Variants in NFIC observed in about 807,000 individuals in gnomAD.
NFIC encodes nuclear factor I C.
Under a neutral mutation model 54.4 loss-of-function variants are expected in NFIC, and 12 were observed. The ratio of observed to expected loss-of-function variants is 0.22; its 90% CI spans 0.14 to 0.36. The LOEUF (loss-of-function observed/expected upper bound fraction) is 0.36. Among genes scored for constraint, NFIC ranks in the 10% least tolerant of loss-of-function variants. NFIC has a pLI of 1.00. For synonymous variants in NFIC, 322 were observed against 319.2 expected (o/e 1.01, Z -0.09); for missense variants, 575 against 718.2 (o/e 0.80, Z 2.28).
chr19:3,435,261 G>T lies in NFIC; in HGVS notation c.958+54G>T, dbSNP rs1271977179. The T allele has an allele frequency of 2.0e-6, 3 of 1,480,642 alleles. No homozygotes were observed. The African/African-American group carries it at 4.2e-5, about 21-fold the overall frequency. The allele number at this position is 1,480,642 out of a possible 1,614,324, so 91.7% of individuals were successfully genotyped here. A position where few individuals can be genotyped will look rare whatever the true frequency, so the allele number is the denominator to read the frequency against. On this transcript the variant is annotated intron_variant, in intron 6 of 10. Transcript: ENST00000443272. ...CCTTCCGGTCTGAGTCACCGTGGCG[G>T]GAACTACGTCTTCCGGCAGCCACTG... is the stretch of plus-strand genomic sequence containing the variant.
At chr19:3,407,579 C>T (rs903265079) in intron 2 of NFIC, among the ~76,000 whole-genome samples, 4 of 152,088 alleles carry the variant, frequency 2.6e-5, no homozygotes, top group South Asian at 2.1e-4. Context: ...GGATTACAGG[C>T]ATGCACCACC....
At chr19:3,437,935 A>T (rs930371118) in intron 6 of NFIC, among the ~76,000 whole-genome samples, 2 of 152,010 alleles carry the variant, frequency 1.3e-5, no homozygotes, top group Non-Finnish European at 2.9e-5. Flanking sequence ...ACCTCAAGTG[A>T]TCCGCCCATC....
intron 1 of NFIC, among the ~76,000 whole-genome samples, chr19:3,373,162 G>C (rs1054832068): frequency 6.6e-5 from 10 of 152,086 alleles, no homozygotes; most frequent in Non-Finnish European, 1.0e-4. Context: ...CGTAGTAGAC[G>C]TGATAGCTCA....
chr19:3,364,159 GAA>G (rs5826816), upstream of NFIC, among the ~76,000 whole-genome samples: 3 of 142,090 alleles, frequency 2.1e-5, no homozygotes, highest in African/African-American at 7.8e-5. Flanking sequence ...AGAGTGCTTT[GAA>G]AAAAAAAAAA....
At position 3,381,738 on chromosome 19, in the gene NFIC, C is replaced by T. The variant is rs2081212947; in HGVS notation, c.57C>T (p.Ala19=). Residue 19 remains alanine, a synonymous_variant, in exon 2 of 11, where the codon GCC becomes GCT. Transcript: ENST00000443272. ...ATGAGTTCCACCCGTTCATCGAGGC[C>T]CTGCTGCCTCACGTCCGCGCCTTCG... The part of the protein sequence containing the change: ...TQDEFHPFIE[A]LLPHVRAFAY... The T allele has an allele frequency of 7.4e-6, 12 of 1,613,790 alleles. No individual in the cohort carries two copies. Among genetic ancestry groups the T allele is most frequent in the Non-Finnish European group, 1.0e-5 (12 of 1,179,946 alleles).
chr19:3,420,499 G>A (rs111981365), intron 2 of NFIC, among the ~76,000 whole-genome samples: 6 of 151,662 alleles, frequency 4.0e-5, no homozygotes, highest in South Asian at 2.1e-4. Context: ...GAGCTGGATC[G>A]TGCCACCGCA....
chr19:3,453,638 C>T lies in NFIC; in HGVS notation c.1270-125C>T, dbSNP rs1008038367. On this transcript the variant is annotated intron_variant, in intron 8 of 10. Coordinates refer to ENST00000443272, the MANE Select transcript of NFIC (RefSeq NM_001245002.2). The surrounding 1 kb of genome is among the most constrained non-coding windows in gnomAD (Gnocchi z 6.7). Reference sequence around the variant, plus strand: ...CCACCAAACCCGCCATGGTCACACCCGCGCCCTGGCCCCCCAGCCTGCCAC... The same window carrying T: ...CCACCAAACCCGCCATGGTCACACCTGCGCCCTGGCCCCCCAGCCTGCCAC... 5.5e-5 allele frequency: 73 copies of T among 1,322,548 alleles called. No homozygotes were observed. The highest frequency in any genetic ancestry group is 7.0e-5 in the Non-Finnish European group (70 of 993,946). The allele number at this position is 1,322,548 out of a possible 1,614,324, so 81.9% of individuals were successfully genotyped here.
At chr19:3,362,279 A>T (rs1236165696), upstream of NFIC, among the ~76,000 whole-genome samples, 1 of 151,894 alleles carries the variant, frequency 6.6e-6, no homozygotes, top group Non-Finnish European at 1.5e-5. Flanking sequence ...ATTGTGGACA[A>T]GTGCCCATGT....
At chr19:3,411,774 A>T (rs1219760658) in intron 2 of NFIC, among the ~76,000 whole-genome samples, 1 of 152,172 alleles carries the variant, frequency 6.6e-6, no homozygotes, top group Non-Finnish European at 1.5e-5. Context: ...GGCTGTGAGG[A>T]GTGTGAACTT....
chr19:3,433,308 G>A (rs555692989), intron 3 of NFIC, among the ~76,000 whole-genome samples: 27 of 152,348 alleles, frequency 1.8e-4, no homozygotes, highest in Admixed American at 6.5e-5. Context: ...GGGGGAACCC[G>A]GATGAAGGCT....
At chr19:3,442,109 G>A (rs1005089248) in intron 6 of NFIC, among the ~76,000 whole-genome samples, 3 of 152,306 alleles carry the variant, frequency 2.0e-5, no homozygotes, top group Non-Finnish European at 4.4e-5. Context: ...CACACCTCCA[G>A]GCCCCACATT....
intron 5 of NFIC, among the ~76,000 whole-genome samples, chr19:3,434,732 T>C (rs1161285064): frequency 6.6e-6 from 1 of 152,156 alleles, no homozygotes; most frequent in Non-Finnish European, 1.5e-5. Context: ...TGTGCCCCAG[T>C]TTCCCCATCC....
intron 1 of NFIC, among the ~76,000 whole-genome samples, chr19:3,360,542 A>G (rs983549890): frequency 5.3e-5 from 8 of 150,994 alleles, no homozygotes; most frequent in Non-Finnish European, 1.0e-4. Flanking sequence ...CATCTGGGGG[A>G]GCGTCTGGGG....
intron 6 of NFIC, among the ~76,000 whole-genome samples, chr19:3,446,912 C>T (rs575484918): frequency 1.6e-4 from 25 of 152,006 alleles, no homozygotes; most frequent in Non-Finnish European, 2.8e-4. Context: ...TGTGGTCCCA[C>T]CTACCTGGGA....
intron 9 of NFIC, 186 bp downstream of exon 9, chr19:3,454,102 G>A (rs1316968168): frequency 1.5e-6 from 2 of 1,356,664 alleles, no homozygotes; most frequent in Non-Finnish European, 1.9e-6. Context: ...GCAGCCTTAG[G>A]GGCTGGCCGG....
Position 3,370,348 on chromosome 19 carries a change from T to C in NFIC, c.30+3682T>C, listed in dbSNP as rs2080978068. 6.6e-6 allele frequency among the ~76,000 whole-genome samples: 1 copy of C among 152,146 alleles called. No homozygotes were observed. Among genetic ancestry groups the C allele is most frequent in the South Asian group, 2.1e-4 (1 of 4,818 alleles). On this transcript the variant is annotated intron_variant, in intron 1 of 10. Transcript: ENST00000443272. This position sits in a 1 kb window ranked among gnomAD's most constrained non-coding sequence, Gnocchi z 5.2. Reference sequence around the variant, plus strand: ...GGCTCCACCACTCTCCCGCTGTATCTCCCTCTGGGTCTCTCTGTGCATCTC... The same window carrying C: ...GGCTCCACCACTCTCCCGCTGTATCCCCCTCTGGGTCTCTCTGTGCATCTC...
Position 3,387,932 on chromosome 19 carries a change from C to G in NFIC, c.562+5689C>G, listed in dbSNP as rs564199048. On this transcript the variant is annotated intron_variant, in intron 2 of 10. Coordinates refer to ENST00000443272, the MANE Select transcript of NFIC (RefSeq NM_001245002.2). ...CCAGGGCCTAAACCCAGCCAGGCCT[C>G]CCCGCCCCCTCTGGCAGCCCAAGAA... 2.6e-5 allele frequency among the ~76,000 whole-genome samples: 4 copies of G among 152,242 alleles called. No individual in the cohort carries two copies. In the South Asian group the frequency reaches 8.3e-4, roughly 32 times the overall value.
intron 2 of NFIC, among the ~76,000 whole-genome samples, chr19:3,420,415 G>A (rs2081933947): frequency 6.6e-6 from 1 of 152,128 alleles, no homozygotes; most frequent in East Asian, 1.9e-4. Flanking sequence ...GTGTGGGCGT[G>A]GTGGCACGTG....
Position 3,381,705 on chromosome 19 carries a change from C to T in NFIC, c.31-7C>T, listed in dbSNP as rs2081212565. The T allele has an allele frequency of 1.9e-6, 3 of 1,613,058 alleles. No individual in the cohort carries two copies. Among genetic ancestry groups the T allele is most frequent in the Non-Finnish European group, 2.5e-6 (3 of 1,179,730 alleles). On this transcript the variant is annotated splice_region_variant and splice_polypyrimidine_tract_variant and intron_variant, in intron 1 of 10. Coordinates refer to ENST00000443272, the MANE Select transcript of NFIC (RefSeq NM_001245002.2). ...CGCTCCTGACCTCTCGCCTCTCCGG[C>T]CTGCAGGATGAGTTCCACCCGTTCA... is the stretch of plus-strand genomic sequence containing the variant.
Sources: allele counts gnomAD v4.1 joint callset (sites outside exome capture counted in the v4.1 genomes callset), GRCh38; gene constraint gnomAD v4.1.1; non-coding constraint Gnocchi (gnomAD v3.1); transcripts MANE v1.5; gene names NCBI Gene and HGNC (gene_info 2026-07-23, HGNC 2026-07-21).